FBXO11: variants seen among roughly 807,000 people sequenced by gnomAD.
FBXO11 encodes the protein F-box only protein 11.
A neutral mutation model predicts 117.0 loss-of-function variants in FBXO11; 13 were observed. The ratio of observed to expected loss-of-function variants is 0.11; its 90% CI spans 0.07 to 0.18. The LOEUF is 0.18. Ranked by LOEUF, FBXO11 falls within the 10% of genes least tolerant of loss-of-function variation. The pLI, the probability that FBXO11 is intolerant of heterozygous loss-of-function variation, is 1.00. For missense variants in FBXO11, 767 were observed against 1,164.4 expected, an observed-to-expected ratio of 0.66 and a Z score of 4.97; for synonymous variants, 490 against 380.5, an observed-to-expected ratio of 1.29 and a Z score of -3.35.
rs1378100901 is a variant in FBXO11 at position 47,906,464 on chromosome 2, G to A, written c.-744C>T. ...CTTCTGCTGCTGCTCCGTGGCAGGA[G>A]GAGCCATTGACACCGCCGGAGCCTC... On this transcript the variant is annotated 5_prime_UTR_variant, in exon 1 of 23. Coordinates refer to ENST00000403359, the MANE Select transcript of FBXO11 (RefSeq NM_001190274.2). Among the ~76,000 whole-genome samples, 3 of 152,040 alleles carry A rather than the reference G, an allele frequency of 2.0e-5. No individual in the cohort carries two copies. Among genetic ancestry groups the A allele is most frequent in the Middle Eastern group, 6.8e-3 (2 of 292 alleles).
At chr2:47,808,620 G>A in intron 21 of FBXO11, 193 bp from the exon 22 acceptor site, 1 of 502,842 alleles carries the variant, frequency 2.0e-6, no homozygotes, top group Non-Finnish European at 3.5e-6. Flanking sequence ...TGTCTTCGGA[G>A]GGAAGAGAAA....
At chr2:47,885,743 C>T (rs1189403457) in intron 1 of FBXO11, among the ~76,000 whole-genome samples, 2 of 152,092 alleles carry the variant, frequency 1.3e-5, no homozygotes, top group African/African-American at 2.4e-5. Context: ...AAAAAAATGC[C>T]AACATAAAGT....
At chr2:47,899,614 T>C (rs1420850127) in intron 1 of FBXO11, among the ~76,000 whole-genome samples, 2 of 152,216 alleles carry the variant, frequency 1.3e-5, no homozygotes, top group African/African-American at 4.8e-5. Context: ...TAGCTAGCTT[T>C]AACTCTGAGC....
intron 1 of FBXO11, among the ~76,000 whole-genome samples, chr2:47,885,403 G>C (rs1445021388): frequency 6.6e-6 from 1 of 152,044 alleles, no homozygotes; most frequent in Non-Finnish European, 1.5e-5. Flanking sequence ...GACCAGTCTG[G>C]CCAACATGGC....
At chr2:47,874,622 A>C (rs1303892057) in intron 1 of FBXO11, among the ~76,000 whole-genome samples, 1 of 151,958 alleles carries the variant, frequency 6.6e-6, no homozygotes, top group Non-Finnish European at 1.5e-5. Flanking sequence ...GCAACCTCCA[A>C]CTCCTGGGTT....
chr2:47,856,191 T>C (rs1483253257), intron 1 of FBXO11, among the ~76,000 whole-genome samples: 1 of 152,202 alleles, frequency 6.6e-6, no homozygotes, highest in African/African-American at 2.4e-5. Context: ...CAGTGATATG[T>C]GGATCTCAAA....
intron 1 of FBXO11, among the ~76,000 whole-genome samples, chr2:47,891,580 A>C (rs771331821): frequency 3.3e-5 from 5 of 152,224 alleles, no homozygotes; most frequent in Non-Finnish European, 4.4e-5. Context: ...CATTATAAAC[A>C]TGGGAGTGCT....
In FBXO11 at chr2:47,813,358, G is replaced by A. The variant is rs762152717; in HGVS notation, c.2103C>T (p.Asp701=). The A allele has an allele frequency of 1.4e-5, 22 of 1,599,908 alleles. No homozygotes were observed. Among genetic ancestry groups the A allele is most frequent in the Non-Finnish European group, 9.4e-6 (11 of 1,173,362 alleles). Residue 701 remains aspartate, a synonymous_variant, in exon 18 of 23, where the codon GAC becomes GAT. Coordinates refer to ENST00000403359, the MANE Select transcript of FBXO11 (RefSeq NM_001190274.2). ...VYNSGLGCIE[D]NEIFDNAMAG... is the part of the protein sequence containing the mutation. Reference sequence around the variant, plus strand: ...CCATTGCATTGTCAAATATTTCATTGTCTTCTATACAGCCTAGACCTATAA... The same window carrying A: ...CCATTGCATTGTCAAATATTTCATTATCTTCTATACAGCCTAGACCTATAA...
In FBXO11 at chr2:47,808,178, A is replaced by G. The variant is rs777150118; in HGVS notation, c.2724T>C (p.Asp908=). 3 of 1,613,556 alleles carry G rather than the reference A, an allele frequency of 1.9e-6. No individual in the cohort carries two copies. The highest frequency in any genetic ancestry group is 2.5e-6 in the Non-Finnish European group (3 of 1,179,894). ...GAGCAGAGTCATATAGTGTATCTGT[A>G]TCATGTGTAGGCTCACCAGCTAATG... is the stretch of plus-strand genomic sequence containing the variant. The part of the protein sequence containing the change: ...PCTLAGEPTH[D]TDTLYDSAPP... Residue 908 remains aspartate, a synonymous_variant, in exon 23 of 23, where the codon GAT becomes GAC. Transcript: ENST00000403359.
intron 11 of FBXO11, among the ~76,000 whole-genome samples, chr2:47,827,693 G>A (rs938852627): frequency 6.7e-6 from 1 of 150,164 alleles, no homozygotes; most frequent in Non-Finnish European, 1.5e-5. Flanking sequence ...AGAACTGTAA[G>A]AAATTAGATT....
chr2:47,900,557 C>CGTATATATACACACATATATACGTGT (rs1678035030), intron 1 of FBXO11, among the ~76,000 whole-genome samples: 1 of 120,980 alleles, frequency 8.3e-6, no homozygotes, highest in Non-Finnish European at 1.9e-5. Flanking sequence ...AGTATATACA[C>CGTATATATACACACATATATACGTGT]GTATATATAC....
At chr2:47,821,343 G>T (rs1204942015) in intron 13 of FBXO11, among the ~76,000 whole-genome samples, 1 of 152,104 alleles carries the variant, frequency 6.6e-6, no homozygotes, top group Non-Finnish European at 1.5e-5. Context: ...AGGCGCGGTG[G>T]CTCACACCTG....
intron 12 of FBXO11, 137 bp downstream of exon 12, chr2:47,823,006 G>A (rs1671500191): frequency 1.7e-6 from 1 of 597,070 alleles, no homozygotes; most frequent in Non-Finnish European, 2.8e-6. Flanking sequence ...CAGATGCACA[G>A]ACTTTAACTA....
At chr2:47,863,884 T>C (rs949049510) in intron 1 of FBXO11, among the ~76,000 whole-genome samples, 1 of 151,070 alleles carries the variant, frequency 6.6e-6, no homozygotes, top group Admixed American at 6.6e-5. Flanking sequence ...GAGGTTGCAG[T>C]GAGCCAAGAT....
intron 1 of FBXO11, among the ~76,000 whole-genome samples, chr2:47,860,462 G>C (rs1674676154): frequency 6.7e-6 from 1 of 150,236 alleles, no homozygotes; most frequent in South Asian, 2.1e-4. Flanking sequence ...CCAGAGTGGA[G>C]CGCAGTGGCA....
At chr2:47,861,019 T>C (rs971528183) in intron 1 of FBXO11, among the ~76,000 whole-genome samples, 11 of 151,800 alleles carry the variant, frequency 7.2e-5, no homozygotes, top group Admixed American at 6.6e-4. Flanking sequence ...TCCAGCTAAG[T>C]TTGTATTTTT....
Position 47,839,579 on chromosome 2 carries a change from C to A in FBXO11, c.360+63G>T, listed in dbSNP as rs967308244. On this transcript the variant is annotated intron_variant, in intron 2 of 22. Transcript: ENST00000403359. Reference sequence around the variant, plus strand: ...ATTACTTCTAAAAAAGGATGACATTCCCTTTTTTGTTTCTTGAAAATTCTT... The same window carrying A: ...ATTACTTCTAAAAAAGGATGACATTACCTTTTTTGTTTCTTGAAAATTCTT... The A allele has an allele frequency of 2.1e-5, 33 of 1,601,166 alleles. No individual in the cohort carries two copies. In the African/African-American group the frequency reaches 3.2e-4, roughly 16 times the overall value.
intron 16 of FBXO11, among the ~76,000 whole-genome samples, chr2:47,814,952 C>T (rs118093997): frequency 1.3e-5 from 2 of 152,256 alleles, no homozygotes; most frequent in South Asian, 2.1e-4. Context: ...TTTGCTCATC[C>T]GTAAGAAGCA....
chr2:47,871,847 C>CT (rs1378087650), intron 1 of FBXO11, among the ~76,000 whole-genome samples: 2 of 152,192 alleles, frequency 1.3e-5, no homozygotes, highest in African/African-American at 2.4e-5. Flanking sequence ...GAGCAATGTG[C>CT]TTTTAAAGTT....
Sources: gnomAD v4.1 joint callset for allele counts (sites outside exome capture counted in the v4.1 genomes callset) on GRCh38, gnomAD v4.1.1 for gene constraint, MANE v1.5 for transcripts, NCBI Gene and HGNC (gene_info 2026-07-23, HGNC 2026-07-21) for gene names.